The following CDC16 variants were observed in gnomAD, a reference collection of about 807,000 sequenced individuals.
CDC16 encodes cell division cycle protein 16 homolog.
A neutral mutation model predicts 87.0 loss-of-function variants in CDC16; 34 were observed. That is an observed-to-expected ratio of 0.39 (90% CI 0.30 to 0.52). The LOEUF (loss-of-function observed/expected upper bound fraction) is 0.52, where lower values mean the gene tolerates loss of function less well. CDC16 is among the 20% of genes least tolerant of loss of function. CDC16 has a pLI of 0.74. For synonymous variants in CDC16, 263 were observed against 260.6 expected (o/e 1.01, Z -0.09); for missense variants, 653 against 751.9 (o/e 0.87, Z 1.54).
At chr13:114,238,859 A>T in intron 3 of CDC16, 131 bp from the exon 4 acceptor site, 5 of 1,128,320 alleles carry the variant, frequency 4.4e-6, no homozygotes, top group Non-Finnish European at 4.8e-6. Context: ...ACAGGACTGG[A>T]TTTTTTTTTT....
Position 114,265,201 on chromosome 13 carries a change from T to A in CDC16, c.1564T>A (p.Cys522Ser), listed in dbSNP as rs1178780690. ...ATTTTCTGTTACAATGCTTGGTCAT[T>A]GCATCGAAATGTACATTGGTGATTC... ...DTFSVTMLGHCIEMYIGDSEA... is the reference protein window; with the variant it reads ...DTFSVTMLGHSIEMYIGDSEA... Residue 522 changes from cysteine (C) to serine (S), a missense_variant, in exon 17 of 18, where the codon TGC becomes AGC. Physicochemically the swap from Cys to Ser is moderately radical, Grantham distance 112. Transcript: ENST00000356221. 1 of 1,611,904 alleles carries A rather than the reference T, an allele frequency of 6.2e-7. No individual in the cohort carries two copies. The highest frequency in any genetic ancestry group is 8.5e-7 in the Non-Finnish European group (1 of 1,178,100).
intron 12 of CDC16, among the ~76,000 whole-genome samples, chr13:114,255,284 C>T (rs1566665110): frequency 6.6e-6 from 1 of 152,050 alleles, no homozygotes; most frequent in Non-Finnish European, 1.5e-5. Flanking sequence ...GTTATATTAA[C>T]CCTGTTATTT....
intron 12 of CDC16, among the ~76,000 whole-genome samples, chr13:114,251,872 A>G (rs577743434): frequency 1.1e-4 from 16 of 152,154 alleles, no homozygotes; most frequent in African/African-American, 3.9e-4. Flanking sequence ...CACTAGCCCT[A>G]TTGGATGAGA....
intron 17 of CDC16, among the ~76,000 whole-genome samples, chr13:114,265,695 G>T (rs1280832608): frequency 6.6e-6 from 1 of 152,176 alleles, no homozygotes; most frequent in East Asian, 1.9e-4. Context: ...AGTTTGGATG[G>T]AATTGCTGTA....
intron 17 of CDC16, among the ~76,000 whole-genome samples, chr13:114,271,069 CCGCCA>C (rs1370195776): frequency 2.0e-5 from 3 of 151,668 alleles, no homozygotes; most frequent in African/African-American, 7.3e-5. Flanking sequence ...CTACAGGCGC[CCGCCA>C]CTATGCCCGG....
chr13:114,236,595 C>CT, intron 1 of CDC16, 50 bp from the exon 2 acceptor site: 1 of 1,520,498 alleles, frequency 6.6e-7, no homozygotes, highest in East Asian at 2.3e-5. Flanking sequence ...CTGTTTAAGA[C>CT]TATTAAAATA....
At chr13:114,254,758 C>T (rs539096701) in intron 12 of CDC16, among the ~76,000 whole-genome samples, 10 of 152,264 alleles carry the variant, frequency 6.6e-5, no homozygotes, top group Admixed American at 2.0e-4. Flanking sequence ...AATGGGCTTC[C>T]TCCTCTAGGC....
intron 16 of CDC16, 39 bp from the exon 17 acceptor site, chr13:114,265,111 T>C (rs779154870): frequency 4.6e-5 from 62 of 1,359,164 alleles, no homozygotes; most frequent in Admixed American, 1.3e-4. Context: ...GAAGGAAATA[T>C]GTTTTCTTTT....
At chr13:114,266,605 T>G (rs2083231053) in intron 17 of CDC16, among the ~76,000 whole-genome samples, 1 of 152,242 alleles carries the variant, frequency 6.6e-6, no homozygotes, top group African/African-American at 2.4e-5. Flanking sequence ...AACCTGGGTT[T>G]CGTTTCCTGC....
intron 9 of CDC16, among the ~76,000 whole-genome samples, chr13:114,245,408 C>T (rs1012074377): frequency 5.9e-5 from 9 of 151,948 alleles, no homozygotes; most frequent in Non-Finnish European, 8.8e-5. Flanking sequence ...TTTGGGGATG[C>T]ATTTGTCCTT....
chr13:114,251,155 A>G (rs1438239429), intron 12 of CDC16, among the ~76,000 whole-genome samples: 2 of 152,144 alleles, frequency 1.3e-5, no homozygotes, highest in South Asian at 2.1e-4. Context: ...TGGTCTCACC[A>G]TCGGTTACAA....
At chr13:114,257,561 G>T (rs17338138) in intron 13 of CDC16, among the ~76,000 whole-genome samples, 1 of 152,046 alleles carries the variant, frequency 6.6e-6, no homozygotes, top group Non-Finnish European at 1.5e-5. Flanking sequence ...TTGAATTTAC[G>T]TATTTGAGAA....
chr13:114,235,185 C>T, intron 1 of CDC16, 53 bp downstream of exon 1: 2 of 1,180,926 alleles, frequency 1.7e-6, no homozygotes, highest in Non-Finnish European at 2.1e-6. Flanking sequence ...GGTCTTTTTC[C>T]GCGCGGCGTG....
chr13:114,252,156 C>T (rs1200275802), intron 12 of CDC16, among the ~76,000 whole-genome samples: 4 of 112,858 alleles, frequency 3.5e-5, no homozygotes, highest in African/African-American at 1.4e-4. Context: ...GATAAGAGCC[C>T]TACACTAGCC....
At chr13:114,246,071 C>T (rs1363691725) in intron 10 of CDC16, 22 bp downstream of exon 10, 8 of 1,168,906 alleles carry the variant, frequency 6.8e-6, no homozygotes, top group Admixed American at 5.2e-5. Context: ...AACTTTTAGT[C>T]TTAGTTTTTT....
intron 11 of CDC16, among the ~76,000 whole-genome samples, chr13:114,248,624 T>C (rs1289671115): frequency 1.3e-5 from 2 of 151,892 alleles, no homozygotes; most frequent in Non-Finnish European, 2.9e-5. Flanking sequence ...GAGGTTGTAG[T>C]GAGCTGAGAT....
intron 12 of CDC16, among the ~76,000 whole-genome samples, chr13:114,252,653 A>T (rs2082260046): frequency 2.6e-5 from 2 of 75,816 alleles, no homozygotes; most frequent in South Asian, 8.5e-4. Flanking sequence ...CCAAAAAAAA[A>T]ATCTCAATAA....
At chr13:114,238,709 C>T (rs2081385524) in intron 3 of CDC16, among the ~76,000 whole-genome samples, 1 of 152,228 alleles carries the variant, frequency 6.6e-6, no homozygotes, top group Admixed American at 6.5e-5. Context: ...CTGGTTGATG[C>T]TTTCTGTTGC....
intron 12 of CDC16, among the ~76,000 whole-genome samples, chr13:114,253,766 TCTG>T (rs968919893): frequency 3.3e-5 from 5 of 152,288 alleles, no homozygotes; most frequent in Non-Finnish European, 7.4e-5. Flanking sequence ...ATTTGAGAAT[TCTG>T]CTCTTGTTGG....
Sources: gnomAD v4.1 joint callset for allele counts (sites outside exome capture counted in the v4.1 genomes callset) on GRCh38, gnomAD v4.1.1 for gene constraint, MANE v1.5 for transcripts, NCBI Gene and HGNC (gene_info 2026-07-23, HGNC 2026-07-21) for gene names.